TRIM33: variants seen among roughly 807,000 people sequenced by gnomAD.
TRIM33 encodes the protein tripartite motif containing 33.
TRIM33 carries 20 observed loss-of-function variants against 125.4 expected under a neutral mutation model. The observed-to-expected ratio is 0.16, with a 90% CI of 0.11 to 0.23. The LOEUF (loss-of-function observed/expected upper bound fraction) is 0.23. TRIM33 is among the 10% of genes least tolerant of loss of function. The probability of loss-of-function intolerance (pLI) is 1.00; values close to 1 mark genes in which losing one functional copy is unlikely to be tolerated. For synonymous variants in TRIM33, 564 were observed against 513.9 expected, an observed-to-expected ratio of 1.10 and a Z score of -1.32; for missense variants, 920 against 1,411.4, an observed-to-expected ratio of 0.65 and a Z score of 5.58.
intron 10 of TRIM33, among the ~76,000 whole-genome samples, chr1:114,423,703 A>G (rs1295351009): frequency 6.6e-6 from 1 of 152,046 alleles, no homozygotes; most frequent in African/African-American, 2.4e-5. Flanking sequence ...CCCAGCCAAG[A>G]AGCGCATTAT....
At chr1:114,443,387 A>G (rs1191153562) in intron 4 of TRIM33, among the ~76,000 whole-genome samples, 2 of 147,100 alleles carry the variant, frequency 1.4e-5, no homozygotes, top group African/African-American at 2.6e-5. Context: ...CCATCTCAAA[A>G]TGAATGAATG....
At chr1:114,502,802 C>T (rs1439958515) in intron 1 of TRIM33, among the ~76,000 whole-genome samples, 3 of 152,230 alleles carry the variant, frequency 2.0e-5, no homozygotes, top group Middle Eastern at 3.4e-3. Flanking sequence ...CCACCATGTC[C>T]GGCACGACAG....
chr1:114,488,508 A>G (rs868500760), intron 1 of TRIM33, among the ~76,000 whole-genome samples: 7 of 152,342 alleles, frequency 4.6e-5, no homozygotes, highest in Middle Eastern at 3.4e-3. Context: ...TCACACCTGT[A>G]ATCCTAGCAC....
chr1:114,401,341 TAAG>T (rs1358915694), intron 17 of TRIM33, 45 bp downstream of exon 17: 2 of 1,533,498 alleles, frequency 1.3e-6, no homozygotes, highest in Admixed American at 3.5e-5. Context: ...CCCATACTCT[TAAG>T]TATTATGAGA....
chr1:114,409,241 A>T lies in TRIM33; in HGVS notation c.2195-501T>A, dbSNP rs138789109. ...TTTACGTTAGAAAAATACATTCAAT[A>T]ACACTTCTAGACTGTTAACCTGTTT... On this transcript the variant is annotated intron_variant, in intron 12 of 19. Coordinates refer to ENST00000358465, the MANE Select transcript of TRIM33 (RefSeq NM_015906.4). 1.4e-3 allele frequency among the ~76,000 whole-genome samples: 219 copies of T among 152,344 alleles called. 1 individual carries two copies. Among genetic ancestry groups the T allele is most frequent in the African/African-American group, 5.1e-3 (212 of 41,578 alleles).
At position 114,399,500 on chromosome 1, in the gene TRIM33, G is replaced by T; in HGVS notation, c.3077C>A (p.Ala1026Asp). 1.2e-6 allele frequency: 2 copies of T among 1,613,496 alleles called. No homozygotes were observed. The highest frequency in any genetic ancestry group is 1.7e-4 in the Middle Eastern group (1 of 6,058). The change falls in exon 18 of 20, where the codon GCC becomes GAC. Residue 1026 changes from alanine to aspartate, a missense_variant. Physicochemically the swap from Ala to Asp is moderately radical, Grantham distance 126. Around this residue, in one of 8 missense-constraint regions of TRIM33, gnomAD observed 122 missense variants for 236.8 expected, o/e 0.52. Transcript: ENST00000358465. ...GTTCTTGAAGATCAAACGGACATCG[G>T]CCACAAAGTCATCCGGGATTTGGTA... ...QHYQIPDDFVADVRLIFKNCE... is the reference protein window; with the variant it reads ...QHYQIPDDFVDDVRLIFKNCE...
chr1:114,471,000 T>G (rs1650604430), intron 1 of TRIM33, among the ~76,000 whole-genome samples: 2 of 152,198 alleles, frequency 1.3e-5, no homozygotes, highest in African/African-American at 4.8e-5. Context: ...GGTCTCATAT[T>G]GTTGTCCAGG....
intron 5 of TRIM33, among the ~76,000 whole-genome samples, chr1:114,432,683 G>C (rs1648038312): frequency 6.6e-6 from 1 of 152,178 alleles, no homozygotes; most frequent in South Asian, 2.1e-4. Flanking sequence ...CTACTCGGGA[G>C]GCTGAGGCAG....
chr1:114,414,537 C>G (rs1378475766), intron 11 of TRIM33, among the ~76,000 whole-genome samples: 1 of 152,232 alleles, frequency 6.6e-6, no homozygotes, highest in Non-Finnish European at 1.5e-5. Flanking sequence ...TCCCTACTAA[C>G]TCTTACCCCG....
At chr1:114,415,535 T>A (rs558949185) in intron 11 of TRIM33, among the ~76,000 whole-genome samples, 1 of 151,940 alleles carries the variant, frequency 6.6e-6, no homozygotes, top group African/African-American at 2.4e-5. Context: ...TAAGATTATC[T>A]CATATAAAGT....
chr1:114,441,807 T>C (rs541033040), intron 4 of TRIM33, among the ~76,000 whole-genome samples: 123 of 152,358 alleles, frequency 8.1e-4, no homozygotes, highest in African/African-American at 2.6e-3. Flanking sequence ...CCTGATATTC[T>C]TCTCTTTCAA....
chr1:114,442,494 A>C (rs1648711367), intron 4 of TRIM33, among the ~76,000 whole-genome samples: 1 of 152,090 alleles, frequency 6.6e-6, no homozygotes, highest in East Asian at 1.9e-4. Context: ...GTTTGAGACC[A>C]GCCTGGCCAA....
chr1:114,397,630 A>C lies in TRIM33; in HGVS notation c.*18T>G. ...TCGTTTTTTTTTTTTTAAACAATTG[A>C]TTTAAATCCATGTCATTTTACTTTA... On this transcript the variant is annotated 3_prime_UTR_variant, in exon 20 of 20. Transcript: ENST00000358465. 1 of 486,886 alleles carries C rather than the reference A, an allele frequency of 2.1e-6. No homozygotes were observed. Among genetic ancestry groups the C allele is most frequent in the Non-Finnish European group, 3.2e-6 (1 of 311,762 alleles). 30.2% of individuals were successfully genotyped at this position (486,886 alleles called of 1,614,324 possible).
At chr1:114,498,964 T>G (rs968171724) in intron 1 of TRIM33, among the ~76,000 whole-genome samples, 2 of 151,554 alleles carry the variant, frequency 1.3e-5, no homozygotes, top group Non-Finnish European at 2.9e-5. Flanking sequence ...AACTGATAAA[T>G]AGATGAAGAG....
At chr1:114,460,982 A>G (rs2101367261) in intron 4 of TRIM33, among the ~76,000 whole-genome samples, 1 of 151,982 alleles carries the variant, frequency 6.6e-6, no homozygotes, top group African/African-American at 2.4e-5. Context: ...CCAGCAAATG[A>G]CCAAACTCAA....
At chr1:114,497,306 T>C (rs534884127) in intron 1 of TRIM33, among the ~76,000 whole-genome samples, 4 of 152,330 alleles carry the variant, frequency 2.6e-5, no homozygotes, top group East Asian at 1.9e-4. Context: ...AAAATTTTTT[T>C]TTCTTTGAGA....
chr1:114,397,330 A>G lies in TRIM33; in HGVS notation c.*318T>C. The G allele has an allele frequency of 2.5e-6, 1 of 403,698 alleles. No individual in the cohort carries two copies. The highest frequency in any genetic ancestry group is 3.3e-5 in the South Asian group (1 of 30,656). The allele number at this position is 403,698 out of a possible 1,614,324, so 25.0% of individuals were successfully genotyped here. A position where few individuals can be genotyped will look rare whatever the true frequency, so the allele number is the denominator to read the frequency against. On this transcript the variant is annotated 3_prime_UTR_variant, in exon 20 of 20. Transcript: ENST00000358465. ...TATACCAAGTATCCTGCACCAATCA[A>G]TAGCACACAATCATCAATATTTGCC...
chr1:114,493,429 C>G (rs1171895744), intron 1 of TRIM33, among the ~76,000 whole-genome samples: 1 of 152,052 alleles, frequency 6.6e-6, no homozygotes, highest in Non-Finnish European at 1.5e-5. Context: ...GTTGCTCATG[C>G]TTTATTTAGG....
At chr1:114,490,759 T>C (rs1457515082) in intron 1 of TRIM33, 1 of 152,188 alleles carries the variant, frequency 6.6e-6, no homozygotes, top group Non-Finnish European at 1.5e-5. Context: ...CTCAACAGAT[T>C]GTTCAGTCAG....
Sources: allele counts gnomAD v4.1 joint callset (sites outside exome capture counted in the v4.1 genomes callset), GRCh38; gene constraint gnomAD v4.1.1; regional missense constraint gnomAD v4.1.1; transcripts MANE v1.5; gene names NCBI Gene and HGNC (gene_info 2026-07-23, HGNC 2026-07-21).